ACOT7: variants seen among roughly 807,000 people sequenced by gnomAD.
ACOT7 encodes the protein cytosolic acyl coenzyme A thioester hydrolase.
A neutral mutation model predicts 40.2 loss-of-function variants in ACOT7; 12 were observed. The ratio of observed to expected loss-of-function variants is 0.30; its 90% CI spans 0.19 to 0.48. The LOEUF is 0.48. Among genes scored for constraint, ACOT7 ranks in the 20% least tolerant of loss-of-function variants. The pLI is 0.99. For missense variants in ACOT7, 395 were observed against 530.8 expected (o/e 0.74, Z 2.51); for synonymous variants, 228 against 219.5 (o/e 1.04, Z -0.34).
chr1:6,273,053 G>T (rs976674674), intron 8 of ACOT7, among the ~76,000 whole-genome samples: 21 of 152,228 alleles, frequency 1.4e-4, no homozygotes, highest in African/African-American at 5.1e-4. Context: ...TCCAGGGGGA[G>T]AACATGAGCA....
chr1:6,362,845 C>G (rs1161672401), intron 1 of ACOT7, among the ~76,000 whole-genome samples: 1 of 152,032 alleles, frequency 6.6e-6, no homozygotes, highest in Non-Finnish European at 1.5e-5. Flanking sequence ...AGCTCAGGAG[C>G]TGGAGACTCT....
intron 2 of ACOT7, among the ~76,000 whole-genome samples, chr1:6,344,541 G>T (rs1469616732): frequency 2.0e-5 from 3 of 152,066 alleles, no homozygotes; most frequent in Non-Finnish European, 4.4e-5. Flanking sequence ...CGAGGCAGGT[G>T]GATCACAAGG....
chr1:6,328,486 C>A (rs933657488), intron 4 of ACOT7, among the ~76,000 whole-genome samples: 7 of 151,748 alleles, frequency 4.6e-5, no homozygotes, highest in Middle Eastern at 3.2e-3. Context: ...CATGGTGAAA[C>A]CCCTGGCCAA....
chr1:6,311,176 G>A lies in ACOT7; in HGVS notation c.712+7316C>T, dbSNP rs1023023056. 8.5e-5 allele frequency among the ~76,000 whole-genome samples: 13 copies of A among 152,206 alleles called. No individual in the cohort carries two copies. Among genetic ancestry groups the A allele is most frequent in the Admixed American group, 3.9e-4 (6 of 15,282 alleles). ...CCATGGGAGCTGAGCAAGCTCTCCC[G>A]ATGAGGATACCCACCTTGACTTCTG... On this transcript the variant is annotated intron_variant, in intron 6 of 8. Transcript: ENST00000361521. The surrounding 1 kb of genome is among the most constrained non-coding windows in gnomAD (Gnocchi z 5.2).
intron 5 of ACOT7, among the ~76,000 whole-genome samples, chr1:6,322,377 A>G (rs1398461369): frequency 6.6e-6 from 1 of 152,214 alleles, no homozygotes; most frequent in Admixed American, 6.5e-5. Flanking sequence ...GAATGAGGAA[A>G]CTCACATGGC....
intron 1 of ACOT7, among the ~76,000 whole-genome samples, chr1:6,378,384 G>A (rs941851546): frequency 6.6e-6 from 1 of 151,944 alleles, no homozygotes; most frequent in Non-Finnish European, 1.5e-5. Context: ...GGCCTTCCCA[G>A]GTCCCAGCCA....
At chr1:6,362,617 G>C (rs757471697) in intron 1 of ACOT7, among the ~76,000 whole-genome samples, 1 of 152,034 alleles carries the variant, frequency 6.6e-6, no homozygotes, top group South Asian at 2.1e-4. Flanking sequence ...GGAGAACTCC[G>C]CAACGACATG....
chr1:6,389,367 T>A (rs1002119673), intron 1 of ACOT7, among the ~76,000 whole-genome samples: 4 of 151,870 alleles, frequency 2.6e-5, no homozygotes, highest in Non-Finnish European at 4.4e-5. Context: ...CATGCCAAGG[T>A]CCCCCTCCAT....
At chr1:6,297,403 G>A (rs566610776) in intron 6 of ACOT7, among the ~76,000 whole-genome samples, 5 of 152,228 alleles carry the variant, frequency 3.3e-5, no homozygotes, top group South Asian at 2.1e-4. Context: ...TCCCACAAGC[G>A]AAAACCAGAC....
chr1:6,284,255 C>G (rs1405103525), intron 7 of ACOT7, among the ~76,000 whole-genome samples: 1 of 152,148 alleles, frequency 6.6e-6, no homozygotes, highest in Non-Finnish European at 1.5e-5. Flanking sequence ...CCCCAGGGCT[C>G]TGTTCCTGCT....
At chr1:6,322,926 T>C (rs1183969919) in intron 5 of ACOT7, among the ~76,000 whole-genome samples, 1 of 151,046 alleles carries the variant, frequency 6.6e-6, no homozygotes, top group Admixed American at 6.6e-5. Context: ...AGGTCAGGAG[T>C]TCGAGACCAA....
At chr1:6,364,846 C>CAAAA (rs770975001) in intron 1 of ACOT7, among the ~76,000 whole-genome samples, 2 of 37,524 alleles carry the variant, frequency 5.3e-5, no homozygotes, top group Admixed American at 4.0e-4. Context: ...GACTCCATCT[C>CAAAA]AAAAAAAAAA....
At chr1:6,362,627 G>A in intron 1 of ACOT7, among the ~76,000 whole-genome samples, 1 of 152,104 alleles carries the variant, frequency 6.6e-6, no homozygotes, top group Non-Finnish European at 1.5e-5. Flanking sequence ...GCAACGACAT[G>A]CCCTAGAATG....
At chr1:6,326,174 C>T (rs959453922) in intron 5 of ACOT7, among the ~76,000 whole-genome samples, 2 of 152,202 alleles carry the variant, frequency 1.3e-5, no homozygotes, top group African/African-American at 2.4e-5. Context: ...CAGAGAAGCA[C>T]ACAGTGCGTC....
chr1:6,365,786 T>G (rs1641998092), intron 1 of ACOT7, among the ~76,000 whole-genome samples: 3 of 150,668 alleles, frequency 2.0e-5, no homozygotes, highest in African/African-American at 7.3e-5. Flanking sequence ...AAAAAAAATT[T>G]ATTGCTAAAA....
At position 6,368,242 on chromosome 1, in the gene ACOT7, T is replaced by C. The variant is rs377307835; in HGVS notation, c.144-18376A>G. ...CCTGTCTGTCTCTCGCCACTGTTCA[T>C]GGCATCCAGGCTGTTTGTGCCAGCC... On this transcript the variant is annotated intron_variant, in intron 1 of 8. Coordinates refer to ENST00000361521, the MANE Select transcript of ACOT7 (RefSeq NM_007274.4). Among the ~76,000 whole-genome samples, 51 of 152,300 alleles carry C rather than the reference T, an allele frequency of 3.3e-4. 1 individual carries two copies. In the East Asian group the frequency reaches 5.8e-3, roughly 17 times the overall value.
chr1:6,320,212 C>T (rs1055041801), intron 5 of ACOT7, among the ~76,000 whole-genome samples: 3 of 152,246 alleles, frequency 2.0e-5, no homozygotes, highest in East Asian at 1.9e-4. Context: ...CTGTAAATAG[C>T]TTGTCACATA....
At chr1:6,327,162 G>A in intron 5 of ACOT7, 137 bp downstream of exon 5, 1 of 883,708 alleles carries the variant, frequency 1.1e-6, no homozygotes, top group Non-Finnish European at 1.7e-6. Context: ...GGGGACCCCA[G>A]AGAAACTGGT....
At chr1:6,373,894 C>T (rs1469468644) in intron 1 of ACOT7, among the ~76,000 whole-genome samples, 1 of 151,138 alleles carries the variant, frequency 6.6e-6, no homozygotes, top group East Asian at 1.9e-4. Context: ...GCAGGACCTG[C>T]AAAGTGCAAT....
Sources: allele counts gnomAD v4.1 joint callset (sites outside exome capture counted in the v4.1 genomes callset), GRCh38; gene constraint gnomAD v4.1.1; non-coding constraint Gnocchi (gnomAD v3.1); transcripts MANE v1.5; gene names NCBI Gene and HGNC (gene_info 2026-07-23, HGNC 2026-07-21).